Variants in CLCN5 observed in about 807,000 individuals in gnomAD.
CLCN5 encodes the protein Cl-/H+ antiporter 5, also known as H(+)/Cl(-) exchange transporter 5.
CLCN5 carries 17 observed loss-of-function variants against 54.0 expected under a neutral mutation model. The observed-to-expected ratio is 0.31, with a 90% CI of 0.22 to 0.47. The LOEUF is 0.47. CLCN5 is among the 20% of genes least tolerant of loss of function. CLCN5 has a pLI of 1.00. For missense variants in CLCN5, 448 were observed against 646.7 expected, an observed-to-expected ratio of 0.69 and a Z score of 3.33; for synonymous variants, 222 against 233.0, an observed-to-expected ratio of 0.95 and a Z score of 0.43.
chrX:49,954,197 T>C (rs2147294090), intron 3 of CLCN5, among the ~76,000 whole-genome samples: 1 of 111,579 alleles, frequency 9.0e-6, no homozygotes, highest in Non-Finnish European at 1.9e-5. Context: ...GAGCAAGGAA[T>C]TCTAAGGGCC....
intron 3 of CLCN5, among the ~76,000 whole-genome samples, chrX:49,938,443 A>G (rs1601955822): frequency 1.8e-5 from 2 of 111,755 alleles, no homozygotes; most frequent in South Asian, 7.4e-4. Context: ...AAACAGAGAT[A>G]TAGACCAATG....
chrX:50,030,874 C>A (rs181627675), intron 3 of CLCN5, among the ~76,000 whole-genome samples: 1 of 112,024 alleles, frequency 8.9e-6, no homozygotes, highest in Non-Finnish European at 1.9e-5. Flanking sequence ...GCAGGCAAAT[C>A]TTTCAAGGTG....
chrX:49,953,155 G>T (rs1431411314), intron 3 of CLCN5, among the ~76,000 whole-genome samples: 2 of 110,487 alleles, frequency 1.8e-5, no homozygotes, highest in African/African-American at 6.6e-5. Context: ...CAAAGTACTG[G>T]GATTACAGGC....
intron 3 of CLCN5, among the ~76,000 whole-genome samples, chrX:49,967,461 GTTGT>G (rs1193879868): frequency 1.1e-5 from 1 of 90,636 alleles, no homozygotes; most frequent in Non-Finnish European, 2.0e-5. Context: ...TTTTGATGGG[GTTGT>G]TTGTTTTTTT....
chrX:49,954,693 G>T lies in CLCN5; in HGVS notation c.16+29379G>T, dbSNP rs782162848. Among the ~76,000 whole-genome samples, 13 of 111,484 alleles carry T rather than the reference G, an allele frequency of 1.2e-4. No homozygotes were observed. In the East Asian group the frequency reaches 3.4e-3, roughly 29 times the overall value. ...ACACAGGCGGCCAAGGCTCCTAGCT[G>T]TGTAGGAAGGAGTGGGGTAGTGGAG... On this transcript the variant is annotated intron_variant, in intron 3 of 14. Coordinates refer to ENST00000376091, the MANE Select transcript of CLCN5 (RefSeq NM_001127898.4).
In CLCN5 at chrX:50,090,372, C is replaced by T. The variant is rs1557194592; in HGVS notation, c.2001C>T (p.Val667=). Reference sequence around the variant, plus strand: ...GGAGAAATGATCCTTTGTTGACTGTCCTTACTCAGGACAGTATGACTGTGG... The same window carrying T: ...GGAGAAATGATCCTTTGTTGACTGTTCTTACTCAGGACAGTATGACTGTGG... ...KPRRNDPLLT[V]LTQDSMTVED... The change falls in exon 13 of 15, where the codon GTC becomes GTT. Residue 667 remains valine (V), a synonymous_variant. Transcript: ENST00000376091. The T allele has an allele frequency of 1.7e-6, 2 of 1,209,705 alleles. No individual in the cohort carries two copies. The highest frequency in any genetic ancestry group is 2.2e-6 in the Non-Finnish European group (2 of 895,048).
At chrX:50,088,034 G>T (rs1482176983) in intron 11 of CLCN5, among the ~76,000 whole-genome samples, 1 of 112,070 alleles carries the variant, frequency 8.9e-6, no homozygotes, top group African/African-American at 3.2e-5. Flanking sequence ...TTTTTTAATT[G>T]TTTAATCTTT....
At chrX:49,961,074 C>T (rs1218359349) in intron 3 of CLCN5, among the ~76,000 whole-genome samples, 4 of 111,793 alleles carry the variant, frequency 3.6e-5, no homozygotes, top group African/African-American at 6.5e-5. Context: ...TGTGTGTCCA[C>T]GCACACCAGG....
At chrX:49,946,068 A>G (rs1039163231) in intron 3 of CLCN5, among the ~76,000 whole-genome samples, 30 of 111,931 alleles carry the variant, frequency 2.7e-4, no homozygotes, top group Admixed American at 2.0e-3. Context: ...AGTTTTTTAA[A>G]CAAGAACCCT....
chrX:49,970,112 T>G (rs939141206), intron 3 of CLCN5, among the ~76,000 whole-genome samples: 68 of 111,624 alleles, frequency 6.1e-4, no homozygotes, highest in South Asian at 7.5e-4. Flanking sequence ...CTTTCCTAGC[T>G]TTTTACTTTT....
chrX:50,050,274 A>T (rs1932532456), intron 4 of CLCN5: 1 of 111,616 alleles, frequency 9.0e-6, no homozygotes, highest in East Asian at 2.8e-4. Context: ...TTTGTTTCAT[A>T]AAAAAAAGTG....
intron 3 of CLCN5, among the ~76,000 whole-genome samples, chrX:50,025,448 T>A (rs1931320641): frequency 9.3e-6 from 1 of 107,117 alleles, no homozygotes; most frequent in Admixed American, 9.9e-5. Context: ...TCTGCGTCGC[T>A]CACGCTGGGA....
intron 3 of CLCN5, among the ~76,000 whole-genome samples, chrX:49,965,249 T>A (rs1230229450): frequency 2.7e-5 from 3 of 111,599 alleles, no homozygotes; most frequent in Non-Finnish European, 5.7e-5. Context: ...TTCAGCTCTA[T>A]TGAGATATAA....
chrX:50,025,651 T>TA (rs1227992433), intron 3 of CLCN5, among the ~76,000 whole-genome samples: 3 of 108,698 alleles, frequency 2.8e-5, no homozygotes, highest in Non-Finnish European at 5.6e-5. Flanking sequence ...GTTTCTCTCT[T>TA]ACTTACTCTT....
At chrX:50,008,935 G>A (rs1393333016) in intron 3 of CLCN5, 2 of 382,670 alleles carry the variant, frequency 5.2e-6, no homozygotes, top group African/African-American at 2.6e-5. Context: ...AAAAGGGCAG[G>A]TGTCAGAGCC....
intron 4 of CLCN5, among the ~76,000 whole-genome samples, chrX:50,043,858 A>G (rs181909032): frequency 4.5e-5 from 5 of 112,185 alleles, no homozygotes; most frequent in Admixed American, 2.8e-4. Flanking sequence ...TTACATTTGT[A>G]TAATTACTTT....
chrX:50,090,732 TCTC>T lies in CLCN5; in HGVS notation c.2211_2213del (p.Pro738del). On this transcript the variant is annotated inframe_deletion, in exon 14 of 15. Transcript: ENST00000376091. ...TTCCATCATTTATTTCACGGAGCAT[TCTC>T]CTCCATTGCCACCATACACTCCACC... is the stretch of plus-strand genomic sequence containing the variant. The T allele has an allele frequency of 8.3e-7, 1 of 1,210,228 alleles. No individual in the cohort carries two copies. The highest frequency in any genetic ancestry group is 1.1e-6 in the Non-Finnish European group (1 of 894,691).
intron 3 of CLCN5, among the ~76,000 whole-genome samples, chrX:50,032,562 G>T (rs1217213763): frequency 5.6e-5 from 6 of 107,128 alleles, no homozygotes; most frequent in African/African-American, 2.2e-4. Flanking sequence ...CTTTTTGATG[G>T]GGTTGTTTGT....
chrX:50,072,966 G>T (rs147570790), intron 6 of CLCN5, among the ~76,000 whole-genome samples: 6,356 of 109,413 alleles, frequency 0.058, 193 homozygotes, highest in Non-Finnish European at 0.087. Context: ...ACATTTTGTG[G>T]GTGTTTCTTA....
Sources: gnomAD v4.1 joint callset for allele counts (sites outside exome capture counted in the v4.1 genomes callset) on GRCh38, gnomAD v4.1.1 for gene constraint, MANE v1.5 for transcripts, NCBI Gene and HGNC (gene_info 2026-07-23, HGNC 2026-07-21) for gene names.